The following EDIL3 variants were observed in gnomAD, a reference collection of about 807,000 sequenced individuals.
The protein encoded by EDIL3 is EGF-like repeat and discoidin I-like domain-containing protein 3.
EDIL3 carries 37 observed loss-of-function variants against 67.4 expected under a neutral mutation model. The observed-to-expected ratio is 0.55, with a 90% CI of 0.42 to 0.72. The LOEUF (loss-of-function observed/expected upper bound fraction) is 0.72, where lower values mean the gene tolerates loss of function less well. Among genes scored for constraint, EDIL3 ranks in the 30% least tolerant of loss-of-function variants. The probability of loss-of-function intolerance (pLI) is 0.00; values close to 1 mark genes in which losing one functional copy is unlikely to be tolerated. For missense variants in EDIL3, 527 were observed against 586.3 expected, an observed-to-expected ratio of 0.90 and a Z score of 1.04; for synonymous variants, 195 against 196.3, an observed-to-expected ratio of 0.99 and a Z score of 0.05.
At chr5:84,011,276 A>T (rs780460657) in intron 9 of EDIL3, among the ~76,000 whole-genome samples, 7 of 152,142 alleles carry the variant, frequency 4.6e-5, no homozygotes, top group African/African-American at 7.2e-5. Context: ...CGGCCAAAAA[A>T]CTTGAAATCA....
intron 3 of EDIL3, among the ~76,000 whole-genome samples, chr5:84,184,466 T>C (rs753534056): frequency 6.6e-6 from 1 of 152,294 alleles, no homozygotes; most frequent in Non-Finnish European, 1.5e-5. Flanking sequence ...AATTGTGATG[T>C]CCAAAATTCA....
At chr5:84,328,794 C>T (rs1746816530) in intron 1 of EDIL3, among the ~76,000 whole-genome samples, 1 of 152,066 alleles carries the variant, frequency 6.6e-6, no homozygotes, top group African/African-American at 2.4e-5. Context: ...TTATCTCTCA[C>T]TGCATCTGTA....
intron 1 of EDIL3, among the ~76,000 whole-genome samples, chr5:84,308,762 A>G (rs1051733378): frequency 6.6e-5 from 10 of 152,202 alleles, no homozygotes; most frequent in African/African-American, 2.2e-4. Context: ...AAATAATATC[A>G]TTTGTATAAA....
At chr5:84,131,038 T>C (rs1580341125) in intron 5 of EDIL3, among the ~76,000 whole-genome samples, 2 of 152,132 alleles carry the variant, frequency 1.3e-5, no homozygotes, top group Admixed American at 1.3e-4. Flanking sequence ...GGACAAGTTG[T>C]TTGCATAAAT....
intron 9 of EDIL3, among the ~76,000 whole-genome samples, chr5:83,979,756 G>A (rs1580262826): frequency 6.6e-6 from 1 of 152,150 alleles, no homozygotes; most frequent in East Asian, 1.9e-4. Context: ...GCCACCAACT[G>A]TCCCAGGACC....
At position 84,122,725 on chromosome 5, in the gene EDIL3, G is replaced by C. The variant is rs187834002; in HGVS notation, c.469+14516C>G. On this transcript the variant is annotated intron_variant, in intron 5 of 10. Transcript: ENST00000296591. The stretch of plus-strand genomic sequence containing the variant: ...TAAAAAATGATGAGGAGGGCACTTA[G>C]ATGTCTTGTTTATGAAGATGTAGGA... Among the ~76,000 whole-genome samples, 8 of 151,964 alleles carry C rather than the reference G, an allele frequency of 5.3e-5. No homozygotes were observed. In the East Asian group the frequency reaches 1.5e-3, roughly 29 times the overall value.
At position 84,214,099 on chromosome 5, in the gene EDIL3, A is replaced by C. The variant is rs72776544; in HGVS notation, c.226+15756T>G. Among the ~76,000 whole-genome samples, 1,165 of 152,302 alleles carry C rather than the reference A, an allele frequency of 7.6e-3. 11 individuals carry two copies. The highest frequency in any genetic ancestry group is 0.012 in the Non-Finnish European group (814 of 68,020). On this transcript the variant is annotated intron_variant, in intron 3 of 10. Coordinates refer to ENST00000296591, the MANE Select transcript of EDIL3 (RefSeq NM_005711.5). ...GTGGTTATCATATTTGAGATGTCTT[A>C]AAATCACTGCTGTGGTTTCCTACCA...
chr5:84,365,306 T>C (rs1413827331), intron 1 of EDIL3, among the ~76,000 whole-genome samples: 1 of 152,146 alleles, frequency 6.6e-6, no homozygotes, highest in Non-Finnish European at 1.5e-5. Context: ...CCAGTTCTGT[T>C]GCATAGAAAC....
chr5:83,946,940 C>A lies in EDIL3; in HGVS notation c.1294-3372G>T, dbSNP rs867151508. On this transcript the variant is annotated intron_variant, in intron 10 of 10. Coordinates refer to ENST00000296591, the MANE Select transcript of EDIL3 (RefSeq NM_005711.5). Reference sequence around the variant, plus strand: ...TTTAAAGAGATTACCATTGTTCTAACTTTTTGGAATTGCTGTTCACATCAT... The same window carrying A: ...TTTAAAGAGATTACCATTGTTCTAAATTTTTGGAATTGCTGTTCACATCAT... Among the ~76,000 whole-genome samples the A allele has an allele frequency of 2.0e-5, 3 of 151,868 alleles. No individual in the cohort carries two copies. In the South Asian group the frequency reaches 6.2e-4, roughly 32 times the overall value.
intron 3 of EDIL3, among the ~76,000 whole-genome samples, chr5:84,212,092 G>C (rs1429857228): frequency 2.6e-5 from 4 of 152,060 alleles, no homozygotes; most frequent in East Asian, 1.9e-4. Context: ...TGATCCCAAA[G>C]AGCATGATGT....
At chr5:84,012,221 G>A (rs1465345546) in intron 9 of EDIL3, among the ~76,000 whole-genome samples, 1 of 152,136 alleles carries the variant, frequency 6.6e-6, no homozygotes, top group Non-Finnish European at 1.5e-5. Context: ...AACTTAGACT[G>A]GCTGAAACAG....
chr5:84,345,764 T>C lies in EDIL3; in HGVS notation c.67+38544A>G, dbSNP rs568632002. ...GGTCTAGAAAATTAACCAAGCATTTTTGCAAAACTTTCAAAAAAGAAAACG... is the reference window on the plus strand; with the variant it reads ...GGTCTAGAAAATTAACCAAGCATTTCTGCAAAACTTTCAAAAAAGAAAACG... On this transcript the variant is annotated intron_variant, in intron 1 of 10. Coordinates refer to ENST00000296591, the MANE Select transcript of EDIL3 (RefSeq NM_005711.5). Among the ~76,000 whole-genome samples the C allele has an allele frequency of 2.0e-4, 31 of 152,288 alleles. 1 individual carries two copies. The highest frequency in any genetic ancestry group is 7.0e-4 in the African/African-American group (29 of 41,536).
chr5:84,217,249 G>A (rs1311716911), intron 3 of EDIL3, among the ~76,000 whole-genome samples: 2 of 152,034 alleles, frequency 1.3e-5, no homozygotes, highest in Non-Finnish European at 2.9e-5. Flanking sequence ...TGCACAGATA[G>A]GGGCCAACAT....
intron 1 of EDIL3, among the ~76,000 whole-genome samples, chr5:84,272,383 T>A (rs528246428): frequency 1.3e-5 from 2 of 152,000 alleles, no homozygotes; most frequent in African/African-American, 4.8e-5. Context: ...GTCATAAAGA[T>A]AAAAATATAC....
At chr5:83,980,005 T>C (rs1199652618) in intron 9 of EDIL3, among the ~76,000 whole-genome samples, 6 of 152,208 alleles carry the variant, frequency 3.9e-5, no homozygotes, top group Admixed American at 3.3e-4. Context: ...AAAAACCTAA[T>C]AGATAACATT....
intron 9 of EDIL3, among the ~76,000 whole-genome samples, chr5:83,978,059 T>C (rs1457722265): frequency 6.6e-6 from 1 of 151,730 alleles, no homozygotes; most frequent in African/African-American, 2.4e-5. Flanking sequence ...GCATATAAAA[T>C]GAAATAGGAG....
intron 9 of EDIL3, among the ~76,000 whole-genome samples, chr5:84,000,043 T>C (rs1238636267): frequency 6.6e-6 from 1 of 151,992 alleles, no homozygotes; most frequent in East Asian, 1.9e-4. Context: ...AATATTATAT[T>C]CAGCAAGAAT....
At chr5:84,289,110 A>G (rs941530517) in intron 1 of EDIL3, among the ~76,000 whole-genome samples, 1 of 152,150 alleles carries the variant, frequency 6.6e-6, no homozygotes, top group Non-Finnish European at 1.5e-5. Context: ...GCTAAATTCA[A>G]TAGTTTCCAT....
intron 10 of EDIL3, among the ~76,000 whole-genome samples, chr5:83,945,414 A>C (rs1938570346): frequency 6.6e-6 from 1 of 151,982 alleles, no homozygotes; most frequent in Non-Finnish European, 1.5e-5. Context: ...TTAATACGGA[A>C]TCTAAAATCC....
Sources: allele counts gnomAD v4.1 joint callset (sites outside exome capture counted in the v4.1 genomes callset), GRCh38; gene constraint gnomAD v4.1.1; transcripts MANE v1.5; gene names NCBI Gene and HGNC (gene_info 2026-07-23, HGNC 2026-07-21).